The following MMP12 variants were observed in gnomAD, a reference collection of about 807,000 sequenced individuals.
The protein encoded by MMP12 is matrix metallopeptidase 12.
In MMP12, 51 loss-of-function variants were observed where a neutral mutation model predicts 45.2. The observed-to-expected ratio is 1.13, with a 90% CI of 0.90 to 1.42. The LOEUF (loss-of-function observed/expected upper bound fraction) is 1.42. Among genes scored for constraint, MMP12 ranks in the 40% most tolerant of loss-of-function variants. The pLI, the probability that MMP12 is intolerant of heterozygous loss-of-function variation, is 0.00. For missense variants in MMP12, 530 were observed against 570.8 expected (o/e 0.93, Z 0.73); for synonymous variants, 210 against 193.3 (o/e 1.09, Z -0.72).
Position 102,863,100 on chromosome 11 carries a change from C to G in MMP12, c.1413G>C (p.Ter471TyrextTer5), listed in dbSNP as rs200053801. The change falls in exon 10 of 10, where the codon TAG becomes TAC. Residue 471 changes from the stop codon to tyrosine (Y), a stop_lost. Transcript: ENST00000571244. ...ACAAAAACCATTAATTACACCATTT[C>G]TAACAACCAAACCAGCTATTGCTTT... ...TLKSNSWFGC[*>Y] The G allele has an allele frequency of 2.2e-4, 346 of 1,600,024 alleles. 2 individuals carry two copies. Among genetic ancestry groups the G allele is most frequent in the Admixed American group, 8.6e-4 (50 of 58,108 alleles).
Position 102,864,167 on chromosome 11 carries a change from C to A in MMP12, c.1291G>T (p.Ala431Ser), listed in dbSNP as rs200974220. ...TTACTGTTTTTAGAGTAGAAGACTG[C>A]ATCAATTTTAGGCCCGATTCCTTGG... The part of the protein sequence containing the change: ...NFQGIGPKID[A>S]VFYSKNKYYY... The change falls in exon 9 of 10, where the codon GCA (alanine) becomes TCA (serine). Residue 431 changes from alanine (A) to serine (S), a missense_variant. Ala to Ser is a moderately conservative substitution (Grantham distance 99, BLOSUM62 1). Transcript: ENST00000571244. The A allele has an allele frequency of 1.9e-5, 31 of 1,612,318 alleles. No homozygotes were observed. Among genetic ancestry groups the A allele is most frequent in the Non-Finnish European group, 2.6e-5 (31 of 1,178,550 alleles).
Position 102,874,272 on chromosome 11 carries a change from C to A in MMP12, c.102+564G>T, listed in dbSNP as rs555317291. Among the ~76,000 whole-genome samples, 101 of 152,048 alleles carry A rather than the reference C, an allele frequency of 6.6e-4. 1 individual carries two copies. The South Asian group carries it at 0.019, about 28-fold the overall frequency. Reference sequence around the variant, plus strand: ...AGAATGCTATAAAGATGGGGCCTGGCATGGTGGCTCCCGCCTGTAATCCTA... The same window carrying A: ...AGAATGCTATAAAGATGGGGCCTGGAATGGTGGCTCCCGCCTGTAATCCTA... On this transcript the variant is annotated intron_variant, in intron 1 of 9. Coordinates refer to ENST00000571244, the MANE Select transcript of MMP12 (RefSeq NM_002426.6).
chr11:102,863,058 T>A lies in MMP12; in HGVS notation c.*42A>T, dbSNP rs782776065. On this transcript the variant is annotated 3_prime_UTR_variant, in exon 10 of 10. Transcript: ENST00000571244. ...TAGCAAATATGCAATAAATACTTATTAAGCTGAAGTGAACTAACAAAAACC... is the reference window on the plus strand; with the variant it reads ...TAGCAAATATGCAATAAATACTTATAAAGCTGAAGTGAACTAACAAAAACC... 7.8e-7 allele frequency: 1 copy of A among 1,289,934 alleles called. No individual in the cohort carries two copies. The highest frequency in any genetic ancestry group is 1.3e-5 in the South Asian group (1 of 79,036). The allele number at this position is 1,289,934 out of a possible 1,614,324, so 79.9% of individuals were successfully genotyped here. A position where few individuals can be genotyped will look rare whatever the true frequency, so the allele number is the denominator to read the frequency against.
intron 4 of MMP12, among the ~76,000 whole-genome samples, chr11:102,870,618 G>T (rs112347075): frequency 2.0e-5 from 3 of 152,132 alleles, no homozygotes; most frequent in Non-Finnish European, 1.5e-5. Flanking sequence ...GATGGTTAGG[G>T]TTTTCCCATG....
chr11:102,864,614 C>A (rs797028935), intron 8 of MMP12, among the ~76,000 whole-genome samples: 4 of 152,264 alleles, frequency 2.6e-5, no homozygotes, highest in African/African-American at 9.6e-5. Flanking sequence ...ACAAAAATAC[C>A]CATTTCCCCC....
intron 4 of MMP12, among the ~76,000 whole-genome samples, chr11:102,870,348 T>A (rs1399682543): frequency 2.0e-5 from 3 of 152,258 alleles, no homozygotes; most frequent in African/African-American, 7.2e-5. Flanking sequence ...TCCTACATGA[T>A]CTGTCTTTTG....
chr11:102,872,845 G>A lies in MMP12; in HGVS notation c.350+20C>T. ...CTATGGGAAAGTAGAAAAATACAGG[G>A]CGACATACACCAACGTTACCTGTAG... On this transcript the variant is annotated intron_variant, in intron 2 of 9. Transcript: ENST00000571244. 1 of 1,611,988 alleles carries A rather than the reference G, an allele frequency of 6.2e-7. No homozygotes were observed. The highest frequency in any genetic ancestry group is 1.3e-5 in the African/African-American group (1 of 75,010).
rs201019806 is a variant in MMP12, at chr11:102,874,914, G to A, written c.24C>T (p.Leu8=). 6.2e-5 allele frequency: 99 copies of A among 1,601,058 alleles called. No homozygotes were observed. The African/African-American group carries it at 9.9e-4, about 16-fold the overall frequency. MKFLLIL[L]LQATASGALP... ...GAGCTCCAGAAGCAGTGGCCTGCAG[G>A]AGCAGTATTAGAAGAAACTTCATTG... is the stretch of plus-strand genomic sequence containing the variant. The change falls in exon 1 of 10, where the codon CTC becomes CTT. Residue 8 remains leucine (L), a synonymous_variant. Coordinates refer to ENST00000571244, the MANE Select transcript of MMP12 (RefSeq NM_002426.6).
At chr11:102,872,343 T>A (rs1279851288) in intron 2 of MMP12, among the ~76,000 whole-genome samples, 3 of 152,142 alleles carry the variant, frequency 2.0e-5, no homozygotes, top group Non-Finnish European at 2.9e-5. Context: ...TTGCAGATTT[T>A]TTTTTCTTTT....
chr11:102,874,857 T>A lies in MMP12; in HGVS notation c.81A>T (p.Lys27Asn). The A allele has an allele frequency of 6.2e-7, 1 of 1,605,006 alleles. No homozygotes were observed. Among genetic ancestry groups the A allele is most frequent in the Non-Finnish European group, 8.5e-7 (1 of 1,175,322 alleles). The change falls in exon 1 of 10, where the codon AAA (lysine) becomes AAT (asparagine). Residue 27 changes from lysine (K) to asparagine (N), a missense_variant. Lys to Asn is a moderately conservative substitution (Grantham distance 94). Transcript: ENST00000571244. ...LPLNSSTSLE[K>N]NNVLFGERYL... is the part of the protein sequence containing the mutation. The stretch of plus-strand genomic sequence containing the variant: ...TTACTTCACCAAATAGCACATTATT[T>A]TTTTCCAGGCTTGTAGAGCTGTTCA...
chr11:102,874,971 G>A lies in MMP12; in HGVS notation c.-34C>T, dbSNP rs782208782. 7.1e-7 allele frequency: 1 copy of A among 1,406,884 alleles called. No homozygotes were observed. The highest frequency in any genetic ancestry group is 9.9e-7 in the Non-Finnish European group (1 of 1,013,458). 87.2% of individuals were successfully genotyped at this position (1,406,884 alleles called of 1,614,324 possible). A position where few individuals can be genotyped will look rare whatever the true frequency, so the allele number is the denominator to read the frequency against. ...TCTAAACGGATCAATTCAGTTTACT[G>A]TGTTCCTTTCTAGCCTAAGTTCCTG... On this transcript the variant is annotated 5_prime_UTR_variant, in exon 1 of 10. Transcript: ENST00000571244.
Position 102,865,323 on chromosome 11 carries a change from C to G in MMP12, c.1205+453G>C, listed in dbSNP as rs1273348360. 1.3e-5 allele frequency among the ~76,000 whole-genome samples: 2 copies of G among 152,110 alleles called. No homozygotes were observed. Among genetic ancestry groups the G allele is most frequent in the African/African-American group, 4.8e-5 (2 of 41,412 alleles). The stretch of plus-strand genomic sequence containing the variant: ...AAATGAGCTCCTATCCTCACTTGAC[C>G]ATATGACTTTCTTTTAAGGAAGATC... On this transcript the variant is annotated intron_variant, in intron 8 of 9. Transcript: ENST00000571244. The surrounding 1 kb of genome is among the most constrained non-coding windows in gnomAD (Gnocchi z 4.1).
Position 102,866,380 on chromosome 11 carries a change from G to A in MMP12, c.980C>T (p.Thr327Ile), listed in dbSNP as rs1296641312. The change falls in exon 7 of 10, where the codon ACC becomes ATC. Residue 327 changes from threonine to isoleucine, a missense_variant. By Grantham distance (89) the Thr-to-Ile change is moderately conservative. Coordinates refer to ENST00000571244, the MANE Select transcript of MMP12 (RefSeq NM_002426.6). ...SVNLISSLWP[T>I]LPSGIEAAYE... ...AGCAGCTTCAATGCCAGATGGCAAGGTTGGCCATAAGGAAGAAATTAAATT... is the reference window on the plus strand; with the variant it reads ...AGCAGCTTCAATGCCAGATGGCAAGATTGGCCATAAGGAAGAAATTAAATT... 6.2e-7 allele frequency: 1 copy of A among 1,606,334 alleles called. No individual in the cohort carries two copies. The highest frequency in any genetic ancestry group is 8.5e-7 in the Non-Finnish European group (1 of 1,176,318).
intron 2 of MMP12, among the ~76,000 whole-genome samples, chr11:102,872,630 C>T (rs965910779): frequency 7.2e-5 from 11 of 152,150 alleles, no homozygotes; most frequent in African/African-American, 2.7e-4. Flanking sequence ...CGTGAGCCAC[C>T]GTGCCTGGCC....
intron 2 of MMP12, among the ~76,000 whole-genome samples, chr11:102,872,334 T>G (rs1859513696): frequency 6.6e-6 from 1 of 152,146 alleles, no homozygotes; most frequent in African/African-American, 2.4e-5. Flanking sequence ...TCCTTTTATT[T>G]GCAGATTTTT....
chr11:102,867,349 C>G lies in MMP12; in HGVS notation c.832G>C (p.Glu278Gln). 6.2e-7 allele frequency: 1 copy of G among 1,611,560 alleles called. No individual in the cohort carries two copies. Among genetic ancestry groups the G allele is most frequent in the Non-Finnish European group, 8.5e-7 (1 of 1,178,836 alleles). ...NQRLPNPDNS[E>Q]PALCDPNLSF... ...AAATTGGGGTCACAGAGAGCTGGTT[C>G]TGAATTGTCAGGATTTGGCAAGCGT... The change falls in exon 6 of 10, where the codon GAA becomes CAA. Residue 278 changes from glutamate to glutamine, a missense_variant. Physicochemically the swap from Glu to Gln is conservative, Grantham distance 29. Transcript: ENST00000571244.
intron 1 of MMP12, among the ~76,000 whole-genome samples, chr11:102,873,816 C>A (rs1859545333): frequency 1.3e-5 from 2 of 151,866 alleles, no homozygotes; most frequent in African/African-American, 4.8e-5. Flanking sequence ...ATTGCTTGAG[C>A]CCCAGAGTTT....
At position 102,863,250 on chromosome 11, in the gene MMP12, TACA is replaced by T. The variant is rs529882264; in HGVS notation, c.1313-53_1313-51del. 786 of 984,220 alleles carry T rather than the reference TACA, an allele frequency of 8.0e-4. 4 individuals carry two copies. In the African/African-American group the frequency reaches 0.01, roughly 13 times the overall value. The allele number at this position is 984,220 out of a possible 1,614,324, so 61.0% of individuals were successfully genotyped here. A position where few individuals can be genotyped will look rare whatever the true frequency, so the allele number is the denominator to read the frequency against. ...GTTTAATTCCCTCCCTGTATTTCTT[TACA>T]ACAACAACAACAACACAAATCTCTT... On this transcript the variant is annotated intron_variant, in intron 9 of 9. Coordinates refer to ENST00000571244, the MANE Select transcript of MMP12 (RefSeq NM_002426.6).
At chr11:102,866,029 C>T in intron 7 of MMP12, 94 bp from the exon 8 acceptor site, 2 of 1,027,790 alleles carry the variant, frequency 1.9e-6, no homozygotes, top group Non-Finnish European at 2.8e-6. Context: ...TCCTTTCCAA[C>T]AGTTATAATA....
Sources: allele counts gnomAD v4.1 joint callset (sites outside exome capture counted in the v4.1 genomes callset), GRCh38; gene constraint gnomAD v4.1.1; non-coding constraint Gnocchi (gnomAD v3.1); transcripts MANE v1.5; gene names NCBI Gene and HGNC (gene_info 2026-07-23, HGNC 2026-07-21).